WSCD2: variants seen among roughly 807,000 people sequenced by gnomAD.
WSCD2 encodes WSC domain sialate O sulfotransferase 2, also known as sialate:O-sulfotransferase 2.
A neutral mutation model predicts 55.7 loss-of-function variants in WSCD2; 28 were observed. The observed-to-expected ratio is 0.50, with a 90% confidence interval of 0.37 to 0.69. WSCD2 has a LOEUF of 0.69. Ranked by LOEUF, WSCD2 falls within the 30% of genes least tolerant of loss-of-function variation. The pLI is 0.00. For missense variants in WSCD2, 616 were observed against 762.1 expected, an observed-to-expected ratio of 0.81 and a Z score of 2.26; for synonymous variants, 301 against 301.9, an observed-to-expected ratio of 1.00 and a Z score of 0.03.
In WSCD2 at chr12:108,210,408, C is replaced by A; in HGVS notation, c.682+103C>A. On this transcript the variant is annotated intron_variant, in intron 4 of 8. Transcript: ENST00000547525. The surrounding 1 kb of genome is among the most constrained non-coding windows in gnomAD (Gnocchi z 4.3). The stretch of plus-strand genomic sequence containing the variant: ...CTGCCCTGTACCCTCCATGGCTCCC[C>A]ATCACTCCAAGGCCACCACCGTCCT... 7.0e-7 allele frequency: 1 copy of A among 1,422,240 alleles called. No individual in the cohort carries two copies. The allele number at this position is 1,422,240 out of a possible 1,614,324, so 88.1% of individuals were successfully genotyped here.
chr12:108,229,121 CAGTTTCT>C (rs1888462690), intron 6 of WSCD2, among the ~76,000 whole-genome samples: 1 of 152,184 alleles, frequency 6.6e-6, no homozygotes, highest in Non-Finnish European at 1.5e-5. Flanking sequence ...GTCACTCTTG[CAGTTTCT>C]ACACACTGGG....
chr12:108,166,537 T>G (rs1165821470), intron 1 of WSCD2, among the ~76,000 whole-genome samples: 1 of 152,074 alleles, frequency 6.6e-6, no homozygotes, highest in Non-Finnish European at 1.5e-5. Flanking sequence ...TTCACACACT[T>G]TGTCATTGGC....
At chr12:108,235,373 C>A (rs1339557177) in intron 7 of WSCD2, among the ~76,000 whole-genome samples, 2 of 152,114 alleles carry the variant, frequency 1.3e-5, no homozygotes, top group East Asian at 3.9e-4. Flanking sequence ...CTTTTAAAGT[C>A]TTGACACACA....
At chr12:108,211,629 C>CCATATATATATATATATATATA (rs916350894) in intron 4 of WSCD2, among the ~76,000 whole-genome samples, 18 of 54,904 alleles carry the variant, frequency 3.3e-4, no homozygotes, top group African/African-American at 9.3e-4. Context: ...GTTTCAAATC[C>CCATATATATATATATATATATA]CATATATATA....
intron 2 of WSCD2, among the ~76,000 whole-genome samples, chr12:108,202,136 CACGCTAATGAGCTCAGAA>C (rs142100401): frequency 0.014 from 2,066 of 152,252 alleles, 43 homozygotes; most frequent in African/African-American, 0.048. Flanking sequence ...TGGCAGTAAC[CACGCTAATGAGCTCAGAA>C]GGGTGAAACA....
chr12:108,226,996 C>T lies in WSCD2; in HGVS notation c.811C>T (p.Pro271Ser), dbSNP rs745342375. ...TCTCCCACTCCATCCCCAGGAGTAC[C>T]CGCTGGCAGCTCTTGCAGGCACCGC... ...CVDFCTEKEY[P>S]LAALAGTACH... is the part of the protein sequence containing the mutation. The change falls in exon 6 of 9, where the codon CCG becomes TCG. Residue 271 changes from proline (P) to serine (S), a missense_variant. Coordinates refer to ENST00000547525, the MANE Select transcript of WSCD2 (RefSeq NM_014653.4). The T allele has an allele frequency of 1.2e-6, 2 of 1,613,254 alleles. No individual in the cohort carries two copies. The highest frequency in any genetic ancestry group is 2.2e-5 in the South Asian group (2 of 90,986).
Position 108,232,885 on chromosome 12 carries a change from C to T in WSCD2, c.1134C>T (p.Leu378=). The change falls in exon 7 of 9, where the codon CTC becomes CTT. Residue 378 remains leucine, a synonymous_variant. Coordinates refer to ENST00000547525, the MANE Select transcript of WSCD2 (RefSeq NM_014653.4). The part of the protein sequence containing the change: ...YTGSYYFDGS[L]YNKGFKGERD... ...GCAGCTACTACTTCGATGGCTCCCT[C>T]TACAACAAAGGTGAGGAGATGGCAG... 1.2e-6 allele frequency: 2 copies of T among 1,612,682 alleles called. No individual in the cohort carries two copies. The highest frequency in any genetic ancestry group is 1.7e-6 in the Non-Finnish European group (2 of 1,178,898).
chr12:108,197,317 C>A (rs564844950), intron 2 of WSCD2: 22 of 152,408 alleles, frequency 1.4e-4, no homozygotes, highest in African/African-American at 5.3e-4. Context: ...CTGCCCCCAA[C>A]CTGGCCTGGG....
intron 3 of WSCD2, among the ~76,000 whole-genome samples, chr12:108,207,845 G>T (rs957944277): frequency 1.3e-5 from 2 of 152,048 alleles, no homozygotes; most frequent in Non-Finnish European, 2.9e-5. Context: ...TTGGGTGCAG[G>T]GGGGCGGGGG....
At chr12:108,208,482 T>A (rs1472684672) in intron 3 of WSCD2, among the ~76,000 whole-genome samples, 1 of 151,980 alleles carries the variant, frequency 6.6e-6, no homozygotes, top group Non-Finnish European at 1.5e-5. Context: ...TGTGGAGGGT[T>A]TAGGAAGAGT....
intron 2 of WSCD2, among the ~76,000 whole-genome samples, chr12:108,198,552 A>G (rs972479265): frequency 2.6e-5 from 4 of 152,228 alleles, no homozygotes; most frequent in African/African-American, 7.2e-5. Context: ...AACGTCTCTC[A>G]TTTGTTGTGA....
chr12:108,217,378 A>G (rs576624805), intron 4 of WSCD2, among the ~76,000 whole-genome samples: 1 of 152,326 alleles, frequency 6.6e-6, no homozygotes, highest in South Asian at 2.1e-4. Context: ...GAGATGAAAG[A>G]GCCTCTCACC....
chr12:108,149,344 A>G (rs1159838142), intron 1 of WSCD2, among the ~76,000 whole-genome samples: 1 of 152,222 alleles, frequency 6.6e-6, no homozygotes, highest in Admixed American at 6.5e-5. Flanking sequence ...AAATGCTGGA[A>G]TGGAAGCCAA....
chr12:108,232,407 G>T (rs190173442), intron 6 of WSCD2, among the ~76,000 whole-genome samples: 33 of 152,238 alleles, frequency 2.2e-4, no homozygotes, highest in South Asian at 6.2e-4. Flanking sequence ...TGCTCTGCTG[G>T]GGGGAAACTG....
At chr12:108,133,511 AGT>A (rs1279780891) in intron 1 of WSCD2, among the ~76,000 whole-genome samples, 3 of 152,110 alleles carry the variant, frequency 2.0e-5, no homozygotes, top group Admixed American at 2.0e-4. Context: ...GGTATAAACA[AGT>A]GTGTGGGTGG....
At chr12:108,234,977 G>A (rs149096941) in intron 7 of WSCD2, among the ~76,000 whole-genome samples, 1,652 of 152,182 alleles carry the variant, frequency 0.011, 18 homozygotes, top group South Asian at 0.02. Context: ...TAGAGAATGG[G>A]GAATGGTGGC....
At chr12:108,165,759 A>C (rs1178774474) in intron 1 of WSCD2, among the ~76,000 whole-genome samples, 1 of 152,146 alleles carries the variant, frequency 6.6e-6, no homozygotes, top group Non-Finnish European at 1.5e-5. Flanking sequence ...TTTTTACTGA[A>C]AGTTGTTTAT....
chr12:108,196,075 A>G lies in WSCD2; in HGVS notation c.243A>G (p.Glu81=), dbSNP rs1411339852. The G allele has an allele frequency of 6.2e-7, 1 of 1,614,044 alleles. No individual in the cohort carries two copies. Among genetic ancestry groups the G allele is most frequent in the African/African-American group, 1.3e-5 (1 of 74,928 alleles). ...GCAGAGGTTTCCGGGACACAGGTGA[A>G]GCCTCAAGCATTGCTCGCAGGTACG... ...HLGRGFRDTG[E]ASSIARRYGP... is the part of the protein sequence containing the mutation. Residue 81 remains glutamate (E), a synonymous_variant, in exon 2 of 9, where the codon GAA becomes GAG. Transcript: ENST00000547525.
rs547940041 is a variant in WSCD2, at chr12:108,141,955, G to A, written c.-552+12029G>A. Reference sequence around the variant, plus strand: ...GAGCCTATTGAAATCCCTGCAAAGAGCAGAGAGAACAGGGTGATTTCAGCT... The same window carrying A: ...GAGCCTATTGAAATCCCTGCAAAGAACAGAGAGAACAGGGTGATTTCAGCT... On this transcript the variant is annotated intron_variant, in intron 1 of 8. Transcript: ENST00000547525. 5.3e-5 allele frequency among the ~76,000 whole-genome samples: 8 copies of A among 152,320 alleles called. No homozygotes were observed. The South Asian group carries it at 1.7e-3, about 32-fold the overall frequency.
Sources: allele counts gnomAD v4.1 joint callset (sites outside exome capture counted in the v4.1 genomes callset), GRCh38; gene constraint gnomAD v4.1.1; non-coding constraint Gnocchi (gnomAD v3.1); transcripts MANE v1.5; gene names NCBI Gene and HGNC (gene_info 2026-07-23, HGNC 2026-07-21).